Variants in SHQ1 observed in about 807,000 individuals in gnomAD.
The protein encoded by SHQ1 is protein SHQ1 homolog.
Under a neutral mutation model 53.8 loss-of-function variants are expected in SHQ1, and 49 were observed. The observed-to-expected ratio is 0.91, with a 90% CI of 0.72 to 1.16. The LOEUF (loss-of-function observed/expected upper bound fraction) is 1.16, where lower values mean the gene tolerates loss of function less well. Among genes scored for constraint, SHQ1 ranks in the 50% most tolerant of loss-of-function variants. SHQ1 has a pLI of 0.00. For synonymous variants in SHQ1, 243 were observed against 251.0 expected (o/e 0.97, Z 0.30); for missense variants, 738 against 683.1 (o/e 1.08, Z -0.90).
At chr3:72,787,417 T>TA (rs1280946487) in intron 10 of SHQ1, among the ~76,000 whole-genome samples, 1 of 152,194 alleles carries the variant, frequency 6.6e-6, no homozygotes, top group African/African-American at 2.4e-5. Context: ...TTAAAAACAA[T>TA]AAAATTTTTC....
At chr3:72,733,537 G>C in the SHQ1 span, among the ~76,000 whole-genome samples, 1 of 151,588 alleles carries the variant, frequency 6.6e-6, no homozygotes. Context: ...ATAAGGGCTC[G>C]AGCTCCAGCC....
intron 10 of SHQ1, among the ~76,000 whole-genome samples, chr3:72,751,508 G>GTGTGTGTGTATATATATA (rs1210782182): frequency 2.6e-5 from 3 of 116,984 alleles, no homozygotes; most frequent in African/African-American, 1.3e-4. Context: ...GTGTGTGTGT[G>GTGTGTGTGTATATATATA]TATATATATA....
intron 4 of SHQ1, among the ~76,000 whole-genome samples, chr3:72,838,704 T>C (rs1005491899): frequency 1.3e-5 from 2 of 152,170 alleles, no homozygotes; most frequent in African/African-American, 4.8e-5. Flanking sequence ...TTTTGCCATG[T>C]TGGCTAGACT....
chr3:72,841,014 TA>T, intron 4 of SHQ1, 30 bp downstream of exon 4: 1 of 1,578,342 alleles, frequency 6.3e-7, no homozygotes, highest in Non-Finnish European at 8.6e-7. Context: ...AAAAACCCTA[TA>T]GATCAAGATC....
rs113644493 is a variant in SHQ1, at chr3:72,750,395, C to T, written c.1623G>A (p.Glu541=). 23 of 1,614,188 alleles carry T rather than the reference C, an allele frequency of 1.4e-5. 1 individual carries two copies. In the African/African-American group the frequency reaches 1.6e-4, roughly 11 times the overall value. Reference sequence around the variant, plus strand: ...CTGTAGTCTTCAGTTGTTCCCCAAGCTCCTCTATCAGAGGCCCAGACACTC... The same window carrying T: ...CTGTAGTCTTCAGTTGTTCCCCAAGTTCCTCTATCAGAGGCCCAGACACTC... ...PLGVSGPLIE[E]LGEQLKTTVQ... Residue 541 remains glutamate, a synonymous_variant, in exon 11 of 11, where the codon GAG becomes GAA. Coordinates refer to ENST00000325599, the MANE Select transcript of SHQ1 (RefSeq NM_018130.3).
chr3:72,826,402 A>C (rs1707657749), intron 5 of SHQ1, among the ~76,000 whole-genome samples: 1 of 152,234 alleles, frequency 6.6e-6, no homozygotes, highest in African/African-American at 2.4e-5. Flanking sequence ...TAGGATATGA[A>C]TTTCAAAGGG....
intron 9 of SHQ1, among the ~76,000 whole-genome samples, chr3:72,799,213 C>G (rs1434075499): frequency 6.6e-6 from 1 of 151,682 alleles, no homozygotes; most frequent in Non-Finnish European, 1.5e-5. Flanking sequence ...AGTGGTTATT[C>G]AAAACACCTG....
At chr3:72,763,260 A>G (rs1333925647) in intron 10 of SHQ1, among the ~76,000 whole-genome samples, 1 of 152,216 alleles carries the variant, frequency 6.6e-6, no homozygotes, top group East Asian at 1.9e-4. Flanking sequence ...TGACTATTCC[A>G]TGAAGCATGG....
intron 1 of SHQ1, among the ~76,000 whole-genome samples, chr3:72,846,954 C>T (rs1202842818): frequency 6.6e-6 from 1 of 152,152 alleles, no homozygotes; most frequent in Non-Finnish European, 1.5e-5. Flanking sequence ...ATATCGCCTC[C>T]CCAGAAAGGC....
At chr3:72,741,302 G>A in the SHQ1 span, among the ~76,000 whole-genome samples, 1 of 152,112 alleles carries the variant, frequency 6.6e-6, no homozygotes, top group Admixed American at 6.6e-5. Flanking sequence ...GGAGTGAGAG[G>A]AGGCCAGGCA....
intron 10 of SHQ1, among the ~76,000 whole-genome samples, chr3:72,757,381 CTTTTTTTTT>C (rs779724149): frequency 1.5e-5 from 2 of 134,940 alleles, no homozygotes; most frequent in East Asian, 2.1e-4. Context: ...CTTCTCTTTC[CTTTTTTTTT>C]TTTTTTTTTG....
the SHQ1 span, among the ~76,000 whole-genome samples, chr3:72,728,469 C>T: frequency 1.3e-5 from 2 of 152,306 alleles, no homozygotes; most frequent in Admixed American, 1.3e-4. Context: ...GTCTTCTTGG[C>T]TTTGGACAGA....
chr3:72,840,863 C>A (rs572293089), intron 4 of SHQ1, among the ~76,000 whole-genome samples, 182 bp downstream of exon 4: 4 of 152,224 alleles, frequency 2.6e-5, no homozygotes, highest in Admixed American at 2.0e-4. Flanking sequence ...TACAGTTAGG[C>A]AGAACAGCCA....
chr3:72,812,526 G>T, intron 9 of SHQ1, 145 bp downstream of exon 9: 1 of 822,048 alleles, frequency 1.2e-6, no homozygotes, highest in Non-Finnish European at 1.9e-6. Context: ...TTATACACAG[G>T]AATTCTATAC....
chr3:72,767,162 T>G (rs1280414773), intron 10 of SHQ1, among the ~76,000 whole-genome samples: 1 of 152,162 alleles, frequency 6.6e-6, no homozygotes, highest in African/African-American at 2.4e-5. Context: ...GCTTCCAAAT[T>G]GCTTTCATAT....
At chr3:72,806,446 GA>G (rs1327051657) in intron 9 of SHQ1, among the ~76,000 whole-genome samples, 1 of 150,996 alleles carries the variant, frequency 6.6e-6, no homozygotes, top group Admixed American at 6.6e-5. Context: ...AATTAAGCCA[GA>G]AAAAAAAAGT....
At chr3:72,798,664 C>T (rs1706698873) in intron 9 of SHQ1, among the ~76,000 whole-genome samples, 1 of 152,076 alleles carries the variant, frequency 6.6e-6, no homozygotes, top group Non-Finnish European at 1.5e-5. Flanking sequence ...AAATAGAATC[C>T]CTTGGCTTCC....
intron 5 of SHQ1, among the ~76,000 whole-genome samples, chr3:72,825,198 A>C (rs1205673458): frequency 6.6e-6 from 1 of 152,154 alleles, no homozygotes; most frequent in African/African-American, 2.4e-5. Context: ...ATCTGAAGAC[A>C]CATTGGACTG....
In SHQ1 at chr3:72,808,527, T is replaced by C. The variant is rs115916881; in HGVS notation, c.1060+4144A>G. On this transcript the variant is annotated intron_variant, in intron 9 of 10. Transcript: ENST00000325599. ...TTGAGCCTGTCTTCTATTTGCAAAA[T>C]GGGGATAGTAATGCCTGCTTCACAG... Among the ~76,000 whole-genome samples, 720 of 152,112 alleles carry C rather than the reference T, an allele frequency of 4.7e-3. 6 individuals are homozygous for C. Among genetic ancestry groups the C allele is most frequent in the African/African-American group, 0.015 (642 of 41,482 alleles).
Sources: gnomAD v4.1 joint callset for allele counts (sites outside exome capture counted in the v4.1 genomes callset) on GRCh38, gnomAD v4.1.1 for gene constraint, MANE v1.5 for transcripts, NCBI Gene and HGNC (gene_info 2026-07-23, HGNC 2026-07-21) for gene names.